Variants in GNGT1 observed in about 807,000 individuals in gnomAD.
GNGT1 encodes the protein G protein subunit gamma transducin 1.
In GNGT1, 4 loss-of-function variants were observed where a neutral mutation model predicts 7.4. That is an observed-to-expected ratio of 0.54 (90% confidence interval 0.27 to 1.24). The LOEUF (loss-of-function observed/expected upper bound fraction) is 1.24. Among genes scored for constraint, GNGT1 ranks in the 50% most tolerant of loss-of-function variants. The pLI, the probability that GNGT1 is intolerant of heterozygous loss-of-function variation, is 0.12. For missense variants in GNGT1, 95 were observed against 82.4 expected (o/e 1.15, Z -0.59); for synonymous variants, 37 against 30.2 (o/e 1.23, Z -0.74).
Position 93,906,675 on chromosome 7 carries a change from A to G in GNGT1, c.-12+31A>G, listed in dbSNP as rs1794377960. The G allele has an allele frequency of 1.1e-5, 9 of 851,148 alleles. 1 individual carries two copies. In the South Asian group the frequency reaches 1.3e-4, roughly 13 times the overall value. The allele number at this position is 851,148 out of a possible 1,614,324, so 52.7% of individuals were successfully genotyped here. ...TTAAGAGCTGAGGGAATTGTTGGCT[A>G]AGACTGACTTGAAATAACTCCAGCA... On this transcript the variant is annotated intron_variant, in intron 1 of 2. Coordinates refer to ENST00000248572, the MANE Select transcript of GNGT1 (RefSeq NM_021955.5).
At chr7:93,909,228 T>G (rs745860362) in intron 2 of GNGT1, among the ~76,000 whole-genome samples, 2 of 152,200 alleles carry the variant, frequency 1.3e-5, no homozygotes, top group East Asian at 3.8e-4. Flanking sequence ...ACTATTTGAT[T>G]GTGCATCTTC....
chr7:93,909,666 T>C, intron 2 of GNGT1: 1 of 521,742 alleles, frequency 1.9e-6, no homozygotes, highest in Non-Finnish European at 3.4e-6. Context: ...AAAAGTTATG[T>C]GAATCTGCAA....
intron 2 of GNGT1, chr7:93,909,837 A>T: frequency 6.4e-6 from 1 of 155,974 alleles, no homozygotes. Context: ...CGGACTAAAG[A>T]TTTCATTTGA....
At chr7:93,909,095 T>C (rs1401649212) in intron 2 of GNGT1, among the ~76,000 whole-genome samples, 1 of 151,838 alleles carries the variant, frequency 6.6e-6, no homozygotes, top group African/African-American at 2.4e-5. Flanking sequence ...ATTATTGTGA[T>C]TTTTTTTGAG....
At position 93,911,013 on chromosome 7, in the gene GNGT1, A is replaced by G. The variant is rs1794458375; in HGVS notation, c.*95A>G. 3.9e-6 allele frequency: 3 copies of G among 768,492 alleles called. No individual in the cohort carries two copies. The highest frequency in any genetic ancestry group is 5.7e-6 in the Non-Finnish European group (3 of 522,844). The allele number at this position is 768,492 out of a possible 1,614,324, so 47.6% of individuals were successfully genotyped here. A position where few individuals can be genotyped will look rare whatever the true frequency, so the allele number is the denominator to read the frequency against. On this transcript the variant is annotated 3_prime_UTR_variant, in exon 3 of 3. Transcript: ENST00000248572. ...TTTCTCATGCATACTATTACTACTA[A>G]GCATGTACGTGAATTTTTAAATTTA...
intron 2 of GNGT1, chr7:93,910,196 A>G (rs1307647477): frequency 6.6e-6 from 1 of 152,204 alleles, no homozygotes; most frequent in African/African-American, 2.4e-5. Flanking sequence ...AATTCAGTCC[A>G]GCAAATTATT....
intron 2 of GNGT1, chr7:93,909,413 A>G: frequency 1.5e-6 from 1 of 678,632 alleles, no homozygotes; most frequent in South Asian, 1.6e-5. Context: ...CATCACTGAA[A>G]TAATTTTTAA....
rs1301423579 is a variant in GNGT1 at position 93,910,794 on chromosome 7, C to A, written c.101C>A (p.Ser34Tyr). 3 of 1,600,468 alleles carry A rather than the reference C, an allele frequency of 1.9e-6. No individual in the cohort carries two copies. The African/African-American group carries it at 4.0e-5, about 21-fold the overall frequency. Residue 34 changes from serine to tyrosine, a missense_variant, in exon 3 of 3, where the codon TCC becomes TAC. By Grantham distance (144) the Ser-to-Tyr change is moderately radical. Coordinates refer to ENST00000248572, the MANE Select transcript of GNGT1 (RefSeq NM_021955.5). ...CCCTTTTTCCTTCCCCTTAAGGTTTCCAAATGTTGTGAAGAAGTAAGAGAT... is the reference window on the plus strand; with the variant it reads ...CCCTTTTTCCTTCCCCTTAAGGTTTACAAATGTTGTGAAGAAGTAAGAGAT... ...KEVTLERMLV[S>Y]KCCEEVRDYV...
intron 2 of GNGT1, among the ~76,000 whole-genome samples, chr7:93,908,257 C>T (rs1439140496): frequency 6.6e-6 from 1 of 152,090 alleles, no homozygotes; most frequent in African/African-American, 2.4e-5. Flanking sequence ...AACACACATG[C>T]ATATAGATAC....
intron 2 of GNGT1, among the ~76,000 whole-genome samples, chr7:93,909,103 G>C (rs1056056933): frequency 1.3e-5 from 2 of 151,648 alleles, no homozygotes; most frequent in Non-Finnish European, 2.9e-5. Context: ...GATTTTTTTT[G>C]AGTACGACAA....
chr7:93,906,741 A>C lies in GNGT1; in HGVS notation c.-6A>C, dbSNP rs540836125. ...CTAACCTTCTACATCTTCAGCAGGC[A>C]AAAAGATGCCAGTAATCAATATTGA... On this transcript the variant is annotated 5_prime_UTR_variant, in exon 2 of 3. Transcript: ENST00000248572. 1.9e-6 allele frequency: 3 copies of C among 1,572,768 alleles called. No homozygotes were observed.
intron 2 of GNGT1, 151 bp downstream of exon 2, chr7:93,906,993 TCATAACTA>T: frequency 2.9e-6 from 1 of 339,700 alleles, no homozygotes; most frequent in Non-Finnish European, 5.3e-6. Context: ...TGATAATCAA[TCATAACTA>T]TCTCTTGATT....
rs1481680145 is a variant in GNGT1 at position 93,910,719 on chromosome 7, A to T, written c.97-71A>T. ...ATACAACCTGAAAATTTATTGTAATAAATAAATTCCTGGCATCTGGAGTAT... is the reference window on the plus strand; with the variant it reads ...ATACAACCTGAAAATTTATTGTAATTAATAAATTCCTGGCATCTGGAGTAT... On this transcript the variant is annotated intron_variant, in intron 2 of 2. Coordinates refer to ENST00000248572, the MANE Select transcript of GNGT1 (RefSeq NM_021955.5). 17 of 1,073,810 alleles carry T rather than the reference A, an allele frequency of 1.6e-5. No homozygotes were observed. In the East Asian group the frequency reaches 4.3e-4, roughly 27 times the overall value. 66.5% of individuals were successfully genotyped at this position (1,073,810 alleles called of 1,614,324 possible).
intron 2 of GNGT1, among the ~76,000 whole-genome samples, chr7:93,908,167 A>G (rs566589726): frequency 6.6e-6 from 1 of 152,192 alleles, no homozygotes; most frequent in South Asian, 2.1e-4. Context: ...CCTTTTCCCC[A>G]TTATTCAATG....
At chr7:93,909,026 G>A (rs1794419459) in intron 2 of GNGT1, among the ~76,000 whole-genome samples, 1 of 152,154 alleles carries the variant, frequency 6.6e-6, no homozygotes, top group Non-Finnish European at 1.5e-5. Flanking sequence ...AGTGCTTTAT[G>A]TCATTATATT....
rs202009903 is a variant in GNGT1 at position 93,906,842 on chromosome 7, A to G, written c.96A>G (p.Leu32=). ...LKKEVTLERM[L]VSKCCEEVRD... ...AAGAAGTGACACTGGAAAGAATGCT[A>G]GTAAGTTGCTGCTTTCTTTAGTATT... The change falls in exon 2 of 3, where the codon CTA becomes CTG. Residue 32 remains leucine (L), a splice_region_variant and synonymous_variant. Coordinates refer to ENST00000248572, the MANE Select transcript of GNGT1 (RefSeq NM_021955.5). The G allele has an allele frequency of 1.9e-5, 30 of 1,546,426 alleles. No individual in the cohort carries two copies. Among genetic ancestry groups the G allele is most frequent in the South Asian group, 1.4e-4 (12 of 86,388 alleles).
intron 2 of GNGT1, among the ~76,000 whole-genome samples, chr7:93,908,385 A>G (rs1794409755): frequency 6.6e-6 from 1 of 152,096 alleles, no homozygotes; most frequent in Admixed American, 6.6e-5. Flanking sequence ...TGGGGCATCC[A>G]AGATCAAGAC....
At chr7:93,907,618 G>A (rs1316885247) in intron 2 of GNGT1, among the ~76,000 whole-genome samples, 1 of 152,190 alleles carries the variant, frequency 6.6e-6, no homozygotes, top group African/African-American at 2.4e-5. Context: ...ATGTAGATAT[G>A]TATTTTAGAT....
At chr7:93,909,106 TACG>T (rs1005900946) in intron 2 of GNGT1, among the ~76,000 whole-genome samples, 4 of 152,152 alleles carry the variant, frequency 2.6e-5, no homozygotes, top group African/African-American at 4.8e-5. Flanking sequence ...TTTTTTTGAG[TACG>T]ACAAGTCTTT....
Sources: gnomAD v4.1 joint callset for allele counts (sites outside exome capture counted in the v4.1 genomes callset) on GRCh38, gnomAD v4.1.1 for gene constraint, MANE v1.5 for transcripts, NCBI Gene and HGNC (gene_info 2026-07-23, HGNC 2026-07-21) for gene names.